RBMS3: variants seen among roughly 807,000 people sequenced by gnomAD.
The protein encoded by RBMS3 is RNA binding motif single stranded interacting protein 3.
Under a neutral mutation model 66.8 loss-of-function variants are expected in RBMS3, and 27 were observed. The observed-to-expected ratio is 0.40, with a 90% CI of 0.30 to 0.56. The LOEUF (loss-of-function observed/expected upper bound fraction) is 0.56. RBMS3 is among the 20% of genes least tolerant of loss of function. The pLI is 0.40. For missense variants in RBMS3, 513 were observed against 549.5 expected (o/e 0.93, Z 0.66); for synonymous variants, 188 against 183.0 (o/e 1.03, Z -0.22).
intron 4 of RBMS3, among the ~76,000 whole-genome samples, chr3:29,676,836 A>G (rs2051278707): frequency 6.6e-6 from 1 of 152,192 alleles, no homozygotes; most frequent in Admixed American, 6.5e-5. Flanking sequence ...TAATTGCAGC[A>G]TAGTTTTGTT....
At chr3:29,545,177 C>T (rs2045907159) in intron 3 of RBMS3, among the ~76,000 whole-genome samples, 1 of 151,928 alleles carries the variant, frequency 6.6e-6, no homozygotes, top group Non-Finnish European at 1.5e-5. Flanking sequence ...TAAATGATGT[C>T]ACATATTTAT....
At chr3:29,447,642 G>A (rs2041878564) in intron 2 of RBMS3, among the ~76,000 whole-genome samples, 1 of 152,164 alleles carries the variant, frequency 6.6e-6, no homozygotes, top group Non-Finnish European at 1.5e-5. Flanking sequence ...GGCATGGAGT[G>A]AGTACCCAGT....
rs567740937 is a variant in RBMS3 at position 29,379,396 on chromosome 3, T to G, written c.76-55347T>G. The stretch of plus-strand genomic sequence containing the variant: ...TTTTAGATTAATAGAGAAATTTGCC[T>G]CTGTATTAATCCATTTTCATGCTGC... On this transcript the variant is annotated intron_variant, in intron 1 of 14. Transcript: ENST00000383767. Among the ~76,000 whole-genome samples the G allele has an allele frequency of 7.9e-5, 12 of 152,318 alleles. No homozygotes were observed. In the South Asian group the frequency reaches 2.5e-3, roughly 32 times the overall value.
At chr3:29,418,274 CT>C (rs372404541) in intron 1 of RBMS3, among the ~76,000 whole-genome samples, 4 of 152,232 alleles carry the variant, frequency 2.6e-5, no homozygotes, top group African/African-American at 9.6e-5. Flanking sequence ...GAATATACTT[CT>C]TTTTTGTTAT....
chr3:29,447,199 C>T (rs527560928), intron 2 of RBMS3, among the ~76,000 whole-genome samples: 42 of 152,014 alleles, frequency 2.8e-4, no homozygotes, highest in Non-Finnish European at 5.9e-4. Context: ...AGTTGTGAGC[C>T]GCTGCACCCA....
chr3:29,882,379 C>T (rs1390858562), intron 7 of RBMS3, among the ~76,000 whole-genome samples: 1 of 152,124 alleles, frequency 6.6e-6, no homozygotes, highest in African/African-American at 2.4e-5. Context: ...CTCAGTCCCC[C>T]AGCTTGTCAT....
At chr3:29,369,170 G>A (rs1162806477) in intron 1 of RBMS3, among the ~76,000 whole-genome samples, 4 of 152,004 alleles carry the variant, frequency 2.6e-5, no homozygotes, top group Admixed American at 2.6e-4. Flanking sequence ...TGAGAGTGGA[G>A]GGTCAGAGGA....
At chr3:29,844,114 C>T (rs1186828240) in intron 6 of RBMS3, among the ~76,000 whole-genome samples, 1 of 152,080 alleles carries the variant, frequency 6.6e-6, no homozygotes, top group Non-Finnish European at 1.5e-5. Flanking sequence ...GAAGTTCTGT[C>T]TCTATCAAGA....
chr3:29,568,985 T>A (rs560245008), intron 3 of RBMS3, among the ~76,000 whole-genome samples: 1 of 152,236 alleles, frequency 6.6e-6, no homozygotes, highest in Admixed American at 6.6e-5. Flanking sequence ...TTCTTGGGGA[T>A]CTTGTCAAAA....
chr3:29,473,655 G>A (rs2042836739), intron 2 of RBMS3, among the ~76,000 whole-genome samples: 1 of 152,228 alleles, frequency 6.6e-6, no homozygotes, highest in Admixed American at 6.5e-5. Flanking sequence ...CCTCGGGGAG[G>A]CAGCTAAGGC....
At chr3:29,742,640 TC>T (rs2054696965) in intron 5 of RBMS3, among the ~76,000 whole-genome samples, 1 of 152,238 alleles carries the variant, frequency 6.6e-6, no homozygotes. Flanking sequence ...TTTTGTTTTT[TC>T]TTTCAAATAA....
chr3:29,395,143 T>G (rs1182531488), intron 1 of RBMS3, among the ~76,000 whole-genome samples: 1 of 152,186 alleles, frequency 6.6e-6, no homozygotes, highest in Non-Finnish European at 1.5e-5. Flanking sequence ...CACTTTCTAA[T>G]CTGAATGTGA....
intron 3 of RBMS3, among the ~76,000 whole-genome samples, chr3:29,498,303 T>C (rs1040224654): frequency 2.6e-5 from 4 of 152,038 alleles, no homozygotes; most frequent in Non-Finnish European, 5.9e-5. Flanking sequence ...CCAAAAGTAT[T>C]CATTCTTAAT....
At chr3:29,935,592 G>T (rs933599322) in intron 10 of RBMS3, among the ~76,000 whole-genome samples, 1 of 152,106 alleles carries the variant, frequency 6.6e-6, no homozygotes, top group African/African-American at 2.4e-5. Context: ...AAGAGATCCA[G>T]TTCAGAAACC....
intron 4 of RBMS3, among the ~76,000 whole-genome samples, chr3:29,637,883 G>A (rs903875656): frequency 6.6e-6 from 1 of 151,784 alleles, no homozygotes. Context: ...TCCAAGCATT[G>A]AAAGACCCCT....
chr3:29,959,526 C>A (rs895910887), intron 12 of RBMS3, among the ~76,000 whole-genome samples: 2 of 152,046 alleles, frequency 1.3e-5, no homozygotes, highest in African/African-American at 4.8e-5. Flanking sequence ...CCACTTAAGC[C>A]AATCAGCAAA....
At chr3:29,836,651 G>T (rs965110133) in intron 6 of RBMS3, among the ~76,000 whole-genome samples, 2 of 151,120 alleles carry the variant, frequency 1.3e-5, no homozygotes, top group Non-Finnish European at 3.0e-5. Flanking sequence ...GACTATAGTT[G>T]ATAATAATAT....
At chr3:29,802,645 G>T (rs2057425956) in intron 6 of RBMS3, among the ~76,000 whole-genome samples, 3 of 152,106 alleles carry the variant, frequency 2.0e-5, no homozygotes, top group Admixed American at 2.0e-4. Context: ...ATTTGTTTAT[G>T]CCCTATTTAT....
At chr3:29,530,996 A>T (rs1321341710) in intron 3 of RBMS3, among the ~76,000 whole-genome samples, 1 of 152,196 alleles carries the variant, frequency 6.6e-6, no homozygotes, top group Non-Finnish European at 1.5e-5. Flanking sequence ...TCAAGAGCTT[A>T]ATGGGTTATT....
Sources: gnomAD v4.1 joint callset for allele counts (sites outside exome capture counted in the v4.1 genomes callset) on GRCh38, gnomAD v4.1.1 for gene constraint, MANE v1.5 for transcripts, NCBI Gene and HGNC (gene_info 2026-07-23, HGNC 2026-07-21) for gene names.